Variants in CENPH observed in about 807,000 individuals in gnomAD.
CENPH encodes CENP-H.
A neutral mutation model predicts 42.9 loss-of-function variants in CENPH; 40 were observed. The observed-to-expected ratio is 0.93, with a 90% CI of 0.72 to 1.21. The LOEUF (loss-of-function observed/expected upper bound fraction) is 1.21. CENPH is among the 50% of genes most tolerant of loss of function. The pLI, the probability that CENPH is intolerant of heterozygous loss-of-function variation, is 0.00. For missense variants in CENPH, 302 were observed against 292.9 expected, an observed-to-expected ratio of 1.03 and a Z score of -0.23; for synonymous variants, 88 against 96.5, an observed-to-expected ratio of 0.91 and a Z score of 0.52.
intron 1 of CENPH, among the ~76,000 whole-genome samples, chr5:69,191,452 T>C (rs603029): frequency 0.61 from 92,346 of 151,980 alleles, 28,658 homozygotes; most frequent in African/African-American, 0.74. Flanking sequence ...GCGGAGCTTG[T>C]GGTGAGCCGA....
chr5:69,193,099 A>G lies in CENPH; in HGVS notation c.190+1249A>G, dbSNP rs554818915. Among the ~76,000 whole-genome samples the G allele has an allele frequency of 2.9e-3, 437 of 152,050 alleles. 4 individuals carry two copies. The highest frequency in any genetic ancestry group is 0.01 in the African/African-American group (425 of 41,474). On this transcript the variant is annotated intron_variant, in intron 2 of 8. Coordinates refer to ENST00000283006, the MANE Select transcript of CENPH (RefSeq NM_022909.4). ...GCAACAAGAGCAAAACTCCGTCTCAAAAACAAAAACAAACAAAATATATAT... is the reference window on the plus strand; with the variant it reads ...GCAACAAGAGCAAAACTCCGTCTCAGAAACAAAAACAAACAAAATATATAT...
Position 69,193,761 on chromosome 5 carries a change from A to G in CENPH, c.191-886A>G, listed in dbSNP as rs537850396. On this transcript the variant is annotated intron_variant, in intron 2 of 8. Transcript: ENST00000283006. Reference sequence around the variant, plus strand: ...ACTGCAACCTCCGCCTCCCGGATTCACTGCCTCAGCCTCTCAAGTAGCCAG... The same window carrying G: ...ACTGCAACCTCCGCCTCCCGGATTCGCTGCCTCAGCCTCTCAAGTAGCCAG... Among the ~76,000 whole-genome samples, 9 of 146,310 alleles carry G rather than the reference A, an allele frequency of 6.2e-5. No individual in the cohort carries two copies. The South Asian group carries it at 1.9e-3, about 31-fold the overall frequency.
chr5:69,189,793 C>A (rs951996463), intron 1 of CENPH, 25 bp downstream of exon 1: 42 of 1,426,688 alleles, frequency 2.9e-5, no homozygotes, highest in Non-Finnish European at 3.5e-5. Flanking sequence ...CCTCCTCAGC[C>A]GGGGCCAAGT....
chr5:69,193,193 GTATA>G (rs150147504), intron 2 of CENPH, among the ~76,000 whole-genome samples: 1 of 151,160 alleles, frequency 6.6e-6, no homozygotes, highest in African/African-American at 2.4e-5. Flanking sequence ...GTGTATATAT[GTATA>G]TATATGTATA....
At chr5:69,209,376 A>G (rs759891791) in intron 8 of CENPH, among the ~76,000 whole-genome samples, 1 of 151,918 alleles carries the variant, frequency 6.6e-6, no homozygotes, top group Non-Finnish European at 1.5e-5. Flanking sequence ...TGTCTCTACT[A>G]AAAATACAAA....
At chr5:69,194,726 T>C in intron 3 of CENPH, 31 bp downstream of exon 3, 5 of 1,340,164 alleles carry the variant, frequency 3.7e-6, no homozygotes, top group South Asian at 1.3e-5. Context: ...TTGTTTATGG[T>C]CTTTACTAAG....
intron 7 of CENPH, among the ~76,000 whole-genome samples, chr5:69,205,877 T>C (rs144855808): frequency 1.3e-5 from 2 of 150,278 alleles, no homozygotes; most frequent in African/African-American, 4.9e-5. Context: ...CCCGGCTAAT[T>C]TTTTTGTATT....
At chr5:69,196,224 C>T (rs1388441249) in intron 4 of CENPH, among the ~76,000 whole-genome samples, 1 of 152,148 alleles carries the variant, frequency 6.6e-6, no homozygotes, top group Non-Finnish European at 1.5e-5. Context: ...ACAAGCCCAG[C>T]CTGGTCACAC....
In CENPH at chr5:69,197,390, A is replaced by G. The variant is rs574212686; in HGVS notation, c.371+281A>G. On this transcript the variant is annotated intron_variant, in intron 5 of 8. Coordinates refer to ENST00000283006, the MANE Select transcript of CENPH (RefSeq NM_022909.4). ...AAGTTCATTTTCTTCAGTATTTACT[A>G]TAAATCAGGAACAGGGCTATCTCAT... The G allele has an allele frequency of 1.5e-5, 4 of 275,454 alleles. No individual in the cohort carries two copies. The South Asian group carries it at 4.1e-4, about 28-fold the overall frequency. 17.1% of individuals were successfully genotyped at this position (275,454 alleles called of 1,614,324 possible).
At chr5:69,204,928 T>TC (rs900341373) in intron 7 of CENPH, among the ~76,000 whole-genome samples, 4 of 144,762 alleles carry the variant, frequency 2.8e-5, no homozygotes, top group African/African-American at 1.0e-4. Context: ...TCTTTTTTTT[T>TC]TTTTTTTTGA....
At position 69,197,913 on chromosome 5, in the gene CENPH, CTTTTTTTT is replaced by C. The variant is rs1172938522; in HGVS notation, c.371+824_371+831del. Among the ~76,000 whole-genome samples, 42 of 74,164 alleles carry C rather than the reference CTTTTTTTT, an allele frequency of 5.7e-4. 1 individual carries two copies. In the South Asian group the frequency reaches 0.023, roughly 40 times the overall value. The allele number at this position is 74,164 out of a possible 152,430, so 48.7% of individuals were successfully genotyped here. A position where few individuals can be genotyped will look rare whatever the true frequency, so the allele number is the denominator to read the frequency against. ...TGGCCTCAGAGGTCTTACCTATGATCTTTTTTTTTTTTTTTTTTTTTTTTTTTGAGACA... is the reference window on the plus strand; with the variant it reads ...TGGCCTCAGAGGTCTTACCTATGATCTTTTTTTTTTTTTTTTTTTGAGACA... On this transcript the variant is annotated intron_variant, in intron 5 of 8. Transcript: ENST00000283006.
At chr5:69,200,055 G>A in intron 5 of CENPH, among the ~76,000 whole-genome samples, 1 of 148,574 alleles carries the variant, frequency 6.7e-6, no homozygotes, top group Non-Finnish European at 1.5e-5. Flanking sequence ...GAAGGTTGCA[G>A]TGAGCTGAGA....
Position 69,202,983 on chromosome 5 carries a change from C to A in CENPH, c.487+13C>A, listed in dbSNP as rs1561323936. The A allele has an allele frequency of 1.3e-6, 2 of 1,537,886 alleles. No homozygotes were observed. The highest frequency in any genetic ancestry group is 1.8e-6 in the Non-Finnish European group (2 of 1,124,552). ...AAGAAGAGATTGCGTATGTAGAACA[C>A]TTTTTTTTTGGCAGAACACATTTTG... On this transcript the variant is annotated intron_variant, in intron 7 of 8. Coordinates refer to ENST00000283006, the MANE Select transcript of CENPH (RefSeq NM_022909.4).
intron 5 of CENPH, among the ~76,000 whole-genome samples, chr5:69,198,273 T>G (rs936700330): frequency 1.3e-5 from 2 of 151,842 alleles, no homozygotes; most frequent in African/African-American, 4.8e-5. Context: ...TCCCCTTCCC[T>G]TGAGCACCAG....
intron 5 of CENPH, chr5:69,197,614 G>T (rs988539285): frequency 6.6e-6 from 1 of 152,018 alleles, no homozygotes. Context: ...AGAAAACATG[G>T]ACACAGGAAG....
chr5:69,203,999 G>C, intron 7 of CENPH, among the ~76,000 whole-genome samples: 1 of 105,332 alleles, frequency 9.5e-6, no homozygotes, highest in Non-Finnish European at 1.8e-5. Context: ...TATATAGAGA[G>C]AGAATTTCTA....
intron 4 of CENPH, 46 bp from the exon 5 acceptor site, chr5:69,197,007 C>A: frequency 1.6e-6 from 2 of 1,269,272 alleles, no homozygotes; most frequent in Non-Finnish European, 2.2e-6. Context: ...TAATGTACCA[C>A]AAATGTTATC....
At chr5:69,207,261 C>T (rs1748175357) in intron 7 of CENPH, among the ~76,000 whole-genome samples, 1 of 151,792 alleles carries the variant, frequency 6.6e-6, no homozygotes. Flanking sequence ...GCAATCTCAG[C>T]TTACTGCAAC....
intron 5 of CENPH, among the ~76,000 whole-genome samples, chr5:69,198,868 A>G (rs1416073916): frequency 6.6e-6 from 1 of 152,010 alleles, no homozygotes; most frequent in Non-Finnish European, 1.5e-5. Context: ...CCTTGATTCT[A>G]GGAGGTCATG....
Sources: gnomAD v4.1 joint callset for allele counts (sites outside exome capture counted in the v4.1 genomes callset) on GRCh38, gnomAD v4.1.1 for gene constraint, MANE v1.5 for transcripts, NCBI Gene and HGNC (gene_info 2026-07-23, HGNC 2026-07-21) for gene names.